Variants in STOX1 observed in about 807,000 individuals in gnomAD.
STOX1 encodes the protein storkhead box 1.
In STOX1, 57 loss-of-function variants were observed where a neutral mutation model predicts 74.8. The ratio of observed to expected loss-of-function variants is 0.76; its 90% CI spans 0.62 to 0.95. The LOEUF (loss-of-function observed/expected upper bound fraction) is 0.95, where lower values mean the gene tolerates loss of function less well. STOX1 is among the 40% of genes least tolerant of loss of function. The probability of loss-of-function intolerance (pLI) is 0.00; values close to 1 mark genes in which losing one functional copy is unlikely to be tolerated. For missense variants in STOX1, 1,010 were observed against 1,117.0 expected, an observed-to-expected ratio of 0.90 and a Z score of 1.37; for synonymous variants, 375 against 401.3, an observed-to-expected ratio of 0.93 and a Z score of 0.78.
chr10:68,836,373 A>G (rs754506181), intron 1 of STOX1, among the ~76,000 whole-genome samples: 30 of 152,330 alleles, frequency 2.0e-4, no homozygotes, highest in Middle Eastern at 3.4e-3. Context: ...AATACAAGGC[A>G]ATTTCCAGCA....
intron 1 of STOX1, among the ~76,000 whole-genome samples, chr10:68,840,166 C>T (rs1252806566): frequency 6.6e-6 from 1 of 152,134 alleles, no homozygotes; most frequent in Non-Finnish European, 1.5e-5. Flanking sequence ...CTTTCTTATA[C>T]CATCCACAAC....
At chr10:68,847,018 T>A (rs1280879531) in intron 1 of STOX1, 3 of 152,200 alleles carry the variant, frequency 2.0e-5, no homozygotes, top group Non-Finnish European at 4.4e-5. Context: ...CTCTAGTAAA[T>A]CTTGGTTTCT....
intron 1 of STOX1, among the ~76,000 whole-genome samples, chr10:68,873,641 C>G (rs372982054): frequency 7.1e-5 from 5 of 70,294 alleles, no homozygotes; most frequent in African/African-American, 2.1e-4. Flanking sequence ...TCTTCTTCTT[C>G]TTTTTTTTTC....
intron 1 of STOX1, among the ~76,000 whole-genome samples, chr10:68,856,402 G>A (rs936906428): frequency 2.6e-5 from 4 of 152,088 alleles, no homozygotes; most frequent in East Asian, 3.9e-4. Flanking sequence ...CCTTCTCCCC[G>A]TTTGGACCCT....
Position 68,865,372 on chromosome 10 carries a change from G to A in STOX1, c.311-16586G>A, listed in dbSNP as rs567393083. On this transcript the variant is annotated intron_variant, in intron 1 of 3. Coordinates refer to ENST00000298596, the MANE Select transcript of STOX1 (RefSeq NM_152709.5). Reference sequence around the variant, plus strand: ...GACTATTAAAGGCCAGTTTTTGGCCGGGCGCAGTGGCTCACGCCTGTAATC... The same window carrying A: ...GACTATTAAAGGCCAGTTTTTGGCCAGGCGCAGTGGCTCACGCCTGTAATC... 5.1e-4 allele frequency among the ~76,000 whole-genome samples: 78 copies of A among 152,304 alleles called. No homozygotes were observed. The East Asian group carries it at 6.9e-3, about 14-fold the overall frequency.
chr10:68,850,252 C>T lies in STOX1; in HGVS notation c.310+22319C>T, dbSNP rs561127266. ...CTGGATCTCCTGACCTCATGATCTGCCTGCCTCGGCCTCCCAAAGTGCTGG... is the reference window on the plus strand; with the variant it reads ...CTGGATCTCCTGACCTCATGATCTGTCTGCCTCGGCCTCCCAAAGTGCTGG... On this transcript the variant is annotated intron_variant, in intron 1 of 3. Transcript: ENST00000298596. Among the ~76,000 whole-genome samples the T allele has an allele frequency of 6.6e-5, 10 of 152,340 alleles. No homozygotes were observed. In the East Asian group the frequency reaches 1.9e-3, roughly 29 times the overall value.
intron 1 of STOX1, among the ~76,000 whole-genome samples, chr10:68,881,325 C>T (rs906712850): frequency 2.6e-5 from 4 of 152,296 alleles, no homozygotes; most frequent in Admixed American, 2.6e-4. Context: ...TTCTATTGAA[C>T]CAGGATAACT....
At chr10:68,832,806 C>T (rs1589213377) in intron 1 of STOX1, among the ~76,000 whole-genome samples, 1 of 152,174 alleles carries the variant, frequency 6.6e-6, no homozygotes, top group Non-Finnish European at 1.5e-5. Flanking sequence ...CTCTCTTACT[C>T]AGGCTGGAAT....
intron 1 of STOX1, among the ~76,000 whole-genome samples, chr10:68,853,705 A>G (rs976062296): frequency 6.6e-6 from 1 of 151,102 alleles, no homozygotes; most frequent in Non-Finnish European, 1.5e-5. Flanking sequence ...TTGTTTTTTG[A>G]GACGGAGTTT....
chr10:68,869,284 AC>A (rs533942748), intron 1 of STOX1, among the ~76,000 whole-genome samples: 21 of 152,304 alleles, frequency 1.4e-4, no homozygotes, highest in Non-Finnish European at 2.4e-4. Flanking sequence ...TGCTCTTGTA[AC>A]CTTTGTAACT....
chr10:68,828,229 G>C, intron 1 of STOX1: 1 of 966,348 alleles, frequency 1.0e-6, no homozygotes. Context: ...GGCGGCGCCG[G>C]GCCCTGCGGC....
Position 68,827,606 on chromosome 10 carries a change from C to T in STOX1, c.-18C>T. The T allele has an allele frequency of 8.8e-7, 1 of 1,140,748 alleles. No individual in the cohort carries two copies. The highest frequency in any genetic ancestry group is 1.1e-6 in the Non-Finnish European group (1 of 929,552). 70.7% of individuals were successfully genotyped at this position (1,140,748 alleles called of 1,614,324 possible). A position where few individuals can be genotyped will look rare whatever the true frequency, so the allele number is the denominator to read the frequency against. On this transcript the variant is annotated 5_prime_UTR_variant, in exon 1 of 4. Transcript: ENST00000298596. ...CGCCGAGGCCCTGCGTTGCGGGCTC[C>T]CGGCCGCCGGCGAAAGCATGGCCCG...
intron 1 of STOX1, among the ~76,000 whole-genome samples, chr10:68,881,676 G>T (rs1840816250): frequency 6.6e-6 from 1 of 152,150 alleles, no homozygotes; most frequent in African/African-American, 2.4e-5. Context: ...ATGACCTCCT[G>T]AACTCTGATA....
At chr10:68,866,664 A>C (rs564613118) in intron 1 of STOX1, among the ~76,000 whole-genome samples, 8 of 152,188 alleles carry the variant, frequency 5.3e-5, no homozygotes, top group Non-Finnish European at 1.2e-4. Flanking sequence ...TCTTCCCAGA[A>C]GTAGTCCTAC....
intron 1 of STOX1, among the ~76,000 whole-genome samples, chr10:68,860,598 A>C (rs1196847901): frequency 6.7e-6 from 1 of 149,120 alleles, no homozygotes; most frequent in Admixed American, 6.8e-5. Flanking sequence ...AAAAAGGTCT[A>C]ATTGGCCACA....
chr10:68,855,724 C>T (rs938149274), intron 1 of STOX1, among the ~76,000 whole-genome samples: 4 of 151,226 alleles, frequency 2.6e-5, no homozygotes, highest in African/African-American at 4.9e-5. Context: ...GGATTATAGG[C>T]GTAAGTCACT....
chr10:68,885,146 G>T lies in STOX1; in HGVS notation c.1350G>T (p.Glu450Asp), dbSNP rs1355483772. ...TTCAGCCAGGAAGCATTAGACTGGA[G>T]AAACACCCCAAGCTCCCTGCTACAC... The part of the protein sequence containing the change: ...SEFQPGSIRL[E>D]KHPKLPATQP... Residue 450 changes from glutamate (E) to aspartate (D), a missense_variant, in exon 3 of 4, where the codon GAG becomes GAT. By Grantham distance (45) the Glu-to-Asp change is conservative. Transcript: ENST00000298596. 3 of 1,613,604 alleles carry T rather than the reference G, an allele frequency of 1.9e-6. No individual in the cohort carries two copies. In the African/African-American group the frequency reaches 4.0e-5, roughly 22 times the overall value.
chr10:68,847,661 C>T (rs1463091654), intron 1 of STOX1, among the ~76,000 whole-genome samples: 4 of 151,814 alleles, frequency 2.6e-5, no homozygotes, highest in African/African-American at 9.7e-5. Flanking sequence ...CCACCTGCCT[C>T]GGCTTCCCAA....
chr10:68,890,753 T>A (rs1841080391), intron 3 of STOX1, among the ~76,000 whole-genome samples: 1 of 151,214 alleles, frequency 6.6e-6, no homozygotes, highest in African/African-American at 2.4e-5. Context: ...CGGGTTCAAT[T>A]GATTCTCCTG....
Sources: allele counts gnomAD v4.1 joint callset (sites outside exome capture counted in the v4.1 genomes callset), GRCh38; gene constraint gnomAD v4.1.1; transcripts MANE v1.5; gene names NCBI Gene and HGNC (gene_info 2026-07-23, HGNC 2026-07-21).